Variants in TRPM7 observed in about 807,000 individuals in gnomAD.
TRPM7 encodes LTRPC ion channel family member 7.
Under a neutral mutation model 229.7 loss-of-function variants are expected in TRPM7, and 134 were observed. That is an observed-to-expected ratio of 0.58 (90% CI 0.51 to 0.67). The LOEUF (loss-of-function observed/expected upper bound fraction) is 0.67. Ranked by LOEUF, TRPM7 falls within the 30% of genes least tolerant of loss-of-function variation. The pLI is 0.00. For synonymous variants in TRPM7, 699 were observed against 715.2 expected (o/e 0.98, Z 0.36); for missense variants, 1,901 against 2,210.0 (o/e 0.86, Z 2.80).
At chr15:50,596,232 A>C in intron 23 of TRPM7, 23 bp downstream of exon 23, 8 of 1,440,440 alleles carry the variant, frequency 5.6e-6, no homozygotes, top group Non-Finnish European at 7.4e-6. Flanking sequence ...ATCTTATAAC[A>C]AACAATTGAA....
At chr15:50,593,522 T>C in intron 25 of TRPM7, 95 bp downstream of exon 25, 1 of 1,340,742 alleles carries the variant, frequency 7.5e-7, no homozygotes, top group East Asian at 2.3e-5. Context: ...GCTTATTGTT[T>C]GACAAAATAA....
intron 10 of TRPM7, among the ~76,000 whole-genome samples, chr15:50,628,608 A>G (rs1321915357): frequency 6.6e-6 from 1 of 152,184 alleles, no homozygotes; most frequent in African/African-American, 2.4e-5. Context: ...GCCCAGCACG[A>G]ACACTTATGA....
chr15:50,619,384 G>C (rs962911942), intron 13 of TRPM7, among the ~76,000 whole-genome samples: 10 of 151,662 alleles, frequency 6.6e-5, no homozygotes, highest in African/African-American at 2.4e-4. Context: ...CCATGCCCAG[G>C]TAATTTTTTT....
At chr15:50,681,601 T>C (rs2062240989) in intron 1 of TRPM7, among the ~76,000 whole-genome samples, 1 of 152,198 alleles carries the variant, frequency 6.6e-6, no homozygotes, top group South Asian at 2.1e-4. Context: ...CTGTTAAATT[T>C]CACTTTGCAC....
intron 1 of TRPM7, among the ~76,000 whole-genome samples, chr15:50,676,774 T>C (rs192636475): frequency 7.9e-5 from 12 of 152,218 alleles, no homozygotes; most frequent in Admixed American, 3.9e-4. Flanking sequence ...TACTGACTTA[T>C]AGAACCAGAA....
At chr15:50,584,013 T>C (rs1424699387) in intron 28 of TRPM7, among the ~76,000 whole-genome samples, 1 of 152,226 alleles carries the variant, frequency 6.6e-6, no homozygotes, top group African/African-American at 2.4e-5. Context: ...TCTCTTCCTA[T>C]GATAAACAGT....
At chr15:50,585,951 C>G (rs1312510530) in intron 28 of TRPM7, among the ~76,000 whole-genome samples, 1 of 152,026 alleles carries the variant, frequency 6.6e-6, no homozygotes, top group Non-Finnish European at 1.5e-5. Context: ...GCATGAAACT[C>G]TAAAGGGTAG....
intron 17 of TRPM7, 105 bp from the exon 18 acceptor site, chr15:50,610,066 GT>G (rs1420753041): frequency 1.1e-6 from 1 of 887,248 alleles, no homozygotes; most frequent in African/African-American, 1.7e-5. Context: ...TAAATATCTT[GT>G]GATTAGCCAT....
At chr15:50,576,078 T>C (rs2054117574) in intron 31 of TRPM7, among the ~76,000 whole-genome samples, 159 bp from the exon 32 acceptor site, 1 of 152,228 alleles carries the variant, frequency 6.6e-6, no homozygotes, top group South Asian at 2.1e-4. Context: ...CTGTGCTATA[T>C]TACCCTATTT....
At chr15:50,667,929 T>C (rs2061919764) in intron 1 of TRPM7, among the ~76,000 whole-genome samples, 1 of 152,176 alleles carries the variant, frequency 6.6e-6, no homozygotes, top group Admixed American at 6.5e-5. Context: ...TGGTATGTGT[T>C]CCAAAATTAT....
intron 20 of TRPM7, among the ~76,000 whole-genome samples, 176 bp from the exon 21 acceptor site, chr15:50,605,320 G>A (rs567190104): frequency 4.7e-4 from 71 of 152,152 alleles, no homozygotes; most frequent in African/African-American, 1.5e-3. Flanking sequence ...GCTCAATCTC[G>A]GCTCACTGCA....
chr15:50,627,128 ACT>A (rs80108489), intron 11 of TRPM7, among the ~76,000 whole-genome samples: 25,306 of 152,078 alleles, frequency 0.17, 2,795 homozygotes, highest in East Asian at 0.44. Context: ...ATGTAACAAA[ACT>A]TTAAGTGATT....
intron 29 of TRPM7, 198 bp downstream of exon 29, chr15:50,582,891 C>T (rs2054490992): frequency 2.8e-6 from 1 of 351,492 alleles, no homozygotes. Flanking sequence ...CTTTATTCTG[C>T]ATAAATTTTT....
In TRPM7 at chr15:50,628,153, C is replaced by A. The variant is rs1222300799; in HGVS notation, c.1301G>T (p.Trp434Leu). ...GTATGTAGATTATTTACATACCAGC[C>A]ACTGCTGTCCATAAACAAATACATG... ...KNHVFVYGQQ[W>L]LVGSLEQAML... The change falls in exon 11 of 39, where the codon TGG becomes TTG. Residue 434 changes from tryptophan to leucine, a missense_variant. Transcript: ENST00000646667. The A allele has an allele frequency of 1.2e-6, 2 of 1,602,988 alleles. No homozygotes were observed. The highest frequency in any genetic ancestry group is 1.7e-6 in the Non-Finnish European group (2 of 1,171,516).
intron 25 of TRPM7, 66 bp downstream of exon 25, chr15:50,593,551 A>G: frequency 6.7e-7 from 1 of 1,485,144 alleles, no homozygotes. Flanking sequence ...ATGACCATGT[A>G]TAAGAAATAT....
At chr15:50,592,741 G>C (rs954225948) in intron 25 of TRPM7, 115 bp from the exon 26 acceptor site, 1 of 687,380 alleles carries the variant, frequency 1.5e-6, no homozygotes, top group Non-Finnish European at 2.4e-6. Context: ...ATTTAAACAA[G>C]ATATAAAATA....
intron 30 of TRPM7, among the ~76,000 whole-genome samples, chr15:50,579,965 G>A (rs987782081): frequency 5.9e-5 from 9 of 151,952 alleles, no homozygotes; most frequent in Admixed American, 6.6e-5. Flanking sequence ...TTAGAGATGG[G>A]GTCTCACTAT....
intron 17 of TRPM7, 108 bp downstream of exon 17, chr15:50,610,985 C>A: frequency 1.2e-6 from 1 of 819,988 alleles, no homozygotes; most frequent in East Asian, 2.6e-5. Context: ...CTCTTTACCC[C>A]CCACCATTAC....
intron 1 of TRPM7, among the ~76,000 whole-genome samples, chr15:50,663,667 C>T (rs556491667): frequency 6.6e-6 from 1 of 152,198 alleles, no homozygotes; most frequent in Admixed American, 6.5e-5. Flanking sequence ...GGGATATGAG[C>T]CATTTAAAAG....
Sources: allele counts gnomAD v4.1 joint callset (sites outside exome capture counted in the v4.1 genomes callset), GRCh38; gene constraint gnomAD v4.1.1; transcripts MANE v1.5; gene names NCBI Gene and HGNC (gene_info 2026-07-23, HGNC 2026-07-21).